The following SLC24A4 variants were observed in gnomAD, a reference collection of about 807,000 sequenced individuals.
SLC24A4 encodes the protein solute carrier family 24 member 4.
In SLC24A4, 53 loss-of-function variants were observed where a neutral mutation model predicts 79.0. That is an observed-to-expected ratio of 0.67 (90% CI 0.54 to 0.84). SLC24A4 has a LOEUF of 0.84. Among genes scored for constraint, SLC24A4 ranks in the 40% least tolerant of loss-of-function variants. The probability of loss-of-function intolerance (pLI) is 0.00; values close to 1 mark genes in which losing one functional copy is unlikely to be tolerated. For synonymous variants in SLC24A4, 323 were observed against 323.8 expected (o/e 1.00, Z 0.03); for missense variants, 731 against 822.0 (o/e 0.89, Z 1.35).
At chr14:92,472,906 C>T (rs570784044) in intron 12 of SLC24A4, among the ~76,000 whole-genome samples, 61 of 152,302 alleles carry the variant, frequency 4.0e-4, no homozygotes, top group Non-Finnish European at 8.1e-4. Context: ...TCCCACCAGC[C>T]TGTAGAAGTT....
At chr14:92,367,543 A>G (rs1489871012) in intron 2 of SLC24A4, among the ~76,000 whole-genome samples, 1 of 152,218 alleles carries the variant, frequency 6.6e-6, no homozygotes, top group Non-Finnish European at 1.5e-5. Context: ...GTGAGCTGAC[A>G]TGCTCTGCCT....
chr14:92,349,303 G>A (rs749111716), intron 2 of SLC24A4, among the ~76,000 whole-genome samples: 1 of 152,058 alleles, frequency 6.6e-6, no homozygotes, highest in Non-Finnish European at 1.5e-5. Context: ...GGGATTACAG[G>A]TGCACACCAC....
At chr14:92,372,684 C>T (rs1024156061) in intron 2 of SLC24A4, among the ~76,000 whole-genome samples, 2 of 152,178 alleles carry the variant, frequency 1.3e-5, no homozygotes, top group Non-Finnish European at 1.5e-5. Context: ...GGATCTAGCT[C>T]GAGTTTGGCC....
At position 92,496,020 on chromosome 14, in the gene SLC24A4, C is replaced by T. The variant is rs974596687; in HGVS notation, c.*2392C>T. The stretch of plus-strand genomic sequence containing the variant: ...GGCGTCCCTGCTGGTTTTCAATTCT[C>T]TGAAGCCTTGTGTAGCTTTCAGAGC... On this transcript the variant is annotated 3_prime_UTR_variant, in exon 17 of 17. Transcript: ENST00000532405. 1 of 152,502 alleles carries T rather than the reference C, an allele frequency of 6.6e-6. No individual in the cohort carries two copies. The highest frequency in any genetic ancestry group is 1.5e-5 in the Non-Finnish European group (1 of 68,050). 9.4% of individuals were successfully genotyped at this position (152,502 alleles called of 1,614,324 possible). A position where few individuals can be genotyped will look rare whatever the true frequency, so the allele number is the denominator to read the frequency against.
intron 2 of SLC24A4, among the ~76,000 whole-genome samples, chr14:92,355,302 C>A (rs1227362921): frequency 6.6e-6 from 1 of 151,914 alleles, no homozygotes; most frequent in African/African-American, 2.4e-5. Context: ...GGGGTGGGGG[C>A]AGTAGGAGAG....
intron 9 of SLC24A4, 133 bp downstream of exon 9, chr14:92,447,557 C>T: frequency 7.1e-6 from 6 of 845,506 alleles, no homozygotes; most frequent in Non-Finnish European, 1.1e-5. Flanking sequence ...CTCTGGTAGA[C>T]ACCCTGCTGG....
intron 2 of SLC24A4, among the ~76,000 whole-genome samples, chr14:92,345,152 G>T (rs902192772): frequency 1.1e-4 from 16 of 152,136 alleles, no homozygotes; most frequent in Non-Finnish European, 2.2e-4. Context: ...TTGGGTGAGG[G>T]CTACATTTGG....
intron 2 of SLC24A4, among the ~76,000 whole-genome samples, chr14:92,344,171 C>T (rs993240769): frequency 2.0e-5 from 3 of 152,210 alleles, no homozygotes; most frequent in Non-Finnish European, 4.4e-5. Flanking sequence ...ACACCACTTA[C>T]GTGATGTCTG....
chr14:92,439,197 T>C (rs921676432), intron 3 of SLC24A4, 138 bp from the exon 4 acceptor site: 2 of 656,064 alleles, frequency 3.0e-6, no homozygotes, highest in Middle Eastern at 3.1e-4. Context: ...ACGAAATCTA[T>C]GGTGCTGGAG....
intron 12 of SLC24A4, among the ~76,000 whole-genome samples, chr14:92,458,421 C>T (rs2139855511): frequency 6.6e-6 from 1 of 152,308 alleles, no homozygotes; most frequent in Admixed American, 6.5e-5. Context: ...CCCACCTGCT[C>T]TGTGGGGAAC....
In SLC24A4 at chr14:92,334,625, G is replaced by A. The variant is rs143892103; in HGVS notation, c.241+8647G>A. On this transcript the variant is annotated intron_variant, in intron 2 of 16. Transcript: ENST00000532405. The stretch of plus-strand genomic sequence containing the variant: ...CAGCAGCCAGAAAAGGCTCCTTCCC[G>A]TCTGTCTGTCTGTCTTGAAGATGGT... Among the ~76,000 whole-genome samples the A allele has an allele frequency of 7.2e-5, 11 of 152,138 alleles. No homozygotes were observed. In the South Asian group the frequency reaches 1.0e-3, roughly 14 times the overall value.
rs544102597 is a variant in SLC24A4, at chr14:92,482,705, G to C, written c.1281G>C (p.Trp427Cys). 3.3e-5 allele frequency: 53 copies of C among 1,613,880 alleles called. 1 individual carries two copies. In the South Asian group the frequency reaches 5.5e-4, roughly 17 times the overall value. ...VPEARGDKVK[W>C]VFTWPLIFLL... ...AGGCCAGAGGGGACAAGGTCAAGTG[G>C]GTGTTCACCTGGCCCCTCATCTTCC... is the stretch of plus-strand genomic sequence containing the variant. The change falls in exon 13 of 17, where the codon TGG becomes TGC. Residue 427 changes from tryptophan (W) to cysteine (C), a missense_variant. Physicochemically the swap from Trp to Cys is radical, Grantham distance 215. Coordinates refer to ENST00000532405, the MANE Select transcript of SLC24A4 (RefSeq NM_153646.4).
rs746739825 is a variant in SLC24A4 at position 92,456,486 on chromosome 14, A to T, written c.1133A>T (p.Asn378Ile). The T allele has an allele frequency of 1.2e-6, 2 of 1,614,222 alleles. No homozygotes were observed. Among genetic ancestry groups the T allele is most frequent in the East Asian group, 4.5e-5 (2 of 44,890 alleles). Residue 378 changes from asparagine (N) to isoleucine (I), a missense_variant, in exon 12 of 17, where the codon AAT (asparagine) becomes ATT (isoleucine). By Grantham distance (149) the Asn-to-Ile change is moderately radical. Transcript: ENST00000532405. ...NGRHENIENG[N>I]VPVENPEDPQ... is the part of the protein sequence containing the mutation. ...AGGCACGAGAACATTGAGAACGGGA[A>T]TGTTCCTGTGGAAAACCCCGAAGAC...
intron 2 of SLC24A4, among the ~76,000 whole-genome samples, chr14:92,382,826 G>GGT (rs1450397327): frequency 2.0e-5 from 3 of 152,238 alleles, no homozygotes; most frequent in Non-Finnish European, 4.4e-5. Flanking sequence ...GGTTCTGCCA[G>GGT]GTGCTGCCCT....
At chr14:92,419,829 A>G (rs919250078) in intron 2 of SLC24A4, among the ~76,000 whole-genome samples, 3 of 152,216 alleles carry the variant, frequency 2.0e-5, no homozygotes, top group Non-Finnish European at 2.9e-5. Flanking sequence ...TTTTTCCCCA[A>G]AAGATATGGT....
At chr14:92,425,693 T>C (rs578036075) in intron 2 of SLC24A4, among the ~76,000 whole-genome samples, 29 of 152,190 alleles carry the variant, frequency 1.9e-4, no homozygotes, top group African/African-American at 6.7e-4. Flanking sequence ...AATGGAGGGG[T>C]TACACCTATA....
At chr14:92,344,137 G>C (rs1402977857) in intron 2 of SLC24A4, among the ~76,000 whole-genome samples, 1 of 152,204 alleles carries the variant, frequency 6.6e-6, no homozygotes, top group Non-Finnish European at 1.5e-5. Context: ...CATGTGACTT[G>C]CTTTGGCCAA....
intron 1 of SLC24A4, 143 bp downstream of exon 1, chr14:92,324,103 T>C: frequency 8.3e-7 from 1 of 1,198,760 alleles, no homozygotes; most frequent in Non-Finnish European, 1.1e-6. Context: ...GCCGGGCAGG[T>C]AGAGCGCGCC....
At chr14:92,390,702 A>T (rs1445458399) in intron 2 of SLC24A4, among the ~76,000 whole-genome samples, 1 of 152,102 alleles carries the variant, frequency 6.6e-6, no homozygotes, top group Admixed American at 6.5e-5. Context: ...TTGTCACCAA[A>T]CAGGCCGGCT....
Sources: gnomAD v4.1 joint callset for allele counts (sites outside exome capture counted in the v4.1 genomes callset) on GRCh38, gnomAD v4.1.1 for gene constraint, MANE v1.5 for transcripts, NCBI Gene and HGNC (gene_info 2026-07-23, HGNC 2026-07-21) for gene names.